SOX5: variants seen among roughly 807,000 people sequenced by gnomAD.
SOX5 encodes the protein SRY-box transcription factor 5, also known as transcription factor SOX-5.
In SOX5, 9 loss-of-function variants were observed where a neutral mutation model predicts 92.0. The observed-to-expected ratio is 0.10, with a 90% CI of 0.06 to 0.17. SOX5 has a LOEUF of 0.17. Among genes scored for constraint, SOX5 ranks in the 10% least tolerant of loss-of-function variants. The probability of loss-of-function intolerance (pLI) is 1.00; values close to 1 mark genes in which losing one functional copy is unlikely to be tolerated. For synonymous variants in SOX5, 344 were observed against 336.3 expected (o/e 1.02, Z -0.25); for missense variants, 642 against 944.5 (o/e 0.68, Z 4.20).
chr12:24,160,674 A>T (rs1232287736), intron 4 of SOX5, among the ~76,000 whole-genome samples: 1 of 152,076 alleles, frequency 6.6e-6, no homozygotes, highest in Non-Finnish European at 1.5e-5. Flanking sequence ...TATAAGTGAC[A>T]CTTGAGTAAT....
intron 3 of SOX5, among the ~76,000 whole-genome samples, chr12:23,783,867 C>T (rs2095329154): frequency 6.6e-6 from 1 of 152,156 alleles, no homozygotes; most frequent in Non-Finnish European, 1.5e-5. Context: ...GATTCCCAGA[C>T]ATTGGACAAG....
At chr12:24,119,841 C>T (rs1406376610) in intron 4 of SOX5, among the ~76,000 whole-genome samples, 1 of 152,072 alleles carries the variant, frequency 6.6e-6, no homozygotes, top group Non-Finnish European at 1.5e-5. Context: ...TATTCCTTTC[C>T]AGGGTAACAA....
chr12:24,038,615 G>GTAAATTA, intron 4 of SOX5, among the ~76,000 whole-genome samples: 1 of 151,972 alleles, frequency 6.6e-6, no homozygotes, highest in Non-Finnish European at 1.5e-5. Context: ...GGTCCACGTA[G>GTAAATTA]AGCACAATAT....
At chr12:24,074,617 T>C (rs1390112882) in intron 4 of SOX5, among the ~76,000 whole-genome samples, 1 of 112,334 alleles carries the variant, frequency 8.9e-6, no homozygotes, top group Non-Finnish European at 1.9e-5. Context: ...TAGTGTTTAT[T>C]TCTGTAAACT....
intron 3 of SOX5, among the ~76,000 whole-genome samples, chr12:23,757,301 C>A (rs1309954124): frequency 6.6e-6 from 1 of 151,910 alleles, no homozygotes; most frequent in Non-Finnish European, 1.5e-5. Flanking sequence ...ATTTAAGGAA[C>A]TAATACCGAA....
At chr12:24,395,383 G>C (rs998298697) in intron 1 of SOX5, among the ~76,000 whole-genome samples, 2 of 152,202 alleles carry the variant, frequency 1.3e-5, no homozygotes, top group Non-Finnish European at 2.9e-5. Flanking sequence ...ATGAGAGCAT[G>C]AGTGGTGATT....
intron 1 of SOX5, among the ~76,000 whole-genome samples, chr12:23,916,051 A>T (rs1399262965): frequency 2.0e-5 from 3 of 152,192 alleles, no homozygotes; most frequent in Non-Finnish European, 4.4e-5. Context: ...AAAAAGGATG[A>T]TTTTTGACCA....
At chr12:24,138,212 C>G (rs1213621720) in intron 4 of SOX5, among the ~76,000 whole-genome samples, 1 of 152,200 alleles carries the variant, frequency 6.6e-6, no homozygotes, top group Admixed American at 6.5e-5. Context: ...GGAGGCGTAT[C>G]CACTTGATCA....
chr12:24,004,978 A>G (rs1951999660), intron 4 of SOX5, among the ~76,000 whole-genome samples: 1 of 152,172 alleles, frequency 6.6e-6, no homozygotes, highest in South Asian at 2.1e-4. Context: ...GAGTGAACTC[A>G]AAAATATTAC....
intron 4 of SOX5, among the ~76,000 whole-genome samples, chr12:24,110,030 A>G (rs1392948167): frequency 2.0e-5 from 3 of 152,238 alleles, no homozygotes; most frequent in African/African-American, 7.2e-5. Context: ...GGACACATTC[A>G]GATCATAGCA....
intron 1 of SOX5, among the ~76,000 whole-genome samples, chr12:24,559,444 A>G (rs1242636704): frequency 6.6e-6 from 1 of 152,156 alleles, no homozygotes; most frequent in African/African-American, 2.4e-5. Context: ...GGAAACATAA[A>G]TTTTGTCCTG....
chr12:24,133,770 T>G (rs1461770460), intron 4 of SOX5, among the ~76,000 whole-genome samples: 1 of 152,128 alleles, frequency 6.6e-6, no homozygotes, highest in African/African-American at 2.4e-5. Flanking sequence ...CTCGGGTAGT[T>G]CTAAAAAGAC....
At chr12:24,531,235 T>A (rs1951173332) in intron 1 of SOX5, among the ~76,000 whole-genome samples, 1 of 152,184 alleles carries the variant, frequency 6.6e-6, no homozygotes, top group African/African-American at 2.4e-5. Flanking sequence ...AAAATCTACA[T>A]TTAAGATATT....
At chr12:23,970,682 C>T (rs1948120772) in intron 4 of SOX5, among the ~76,000 whole-genome samples, 2 of 149,818 alleles carry the variant, frequency 1.3e-5, no homozygotes, top group African/African-American at 2.5e-5. Context: ...TTCATCCATT[C>T]ATGTGTTGAT....
At chr12:24,127,335 G>A (rs1949201053) in intron 4 of SOX5, among the ~76,000 whole-genome samples, 1 of 151,292 alleles carries the variant, frequency 6.6e-6, no homozygotes, top group South Asian at 2.1e-4. Flanking sequence ...GTTCAGCTGT[G>A]AGCTGAGACT....
chr12:24,121,137 C>A (rs2030130), intron 4 of SOX5, among the ~76,000 whole-genome samples: 1 of 152,150 alleles, frequency 6.6e-6, no homozygotes, highest in South Asian at 2.1e-4. Context: ...AGACATTCTA[C>A]GTTGTAACAT....
chr12:23,791,567 T>C (rs1368580207), intron 3 of SOX5, among the ~76,000 whole-genome samples: 2 of 152,198 alleles, frequency 1.3e-5, no homozygotes, highest in Non-Finnish European at 1.5e-5. Context: ...TAATGTACTA[T>C]GGAAATTTCA....
chr12:24,053,063 T>C (rs1199123515), intron 4 of SOX5, among the ~76,000 whole-genome samples: 1 of 152,228 alleles, frequency 6.6e-6, no homozygotes, highest in Non-Finnish European at 1.5e-5. Flanking sequence ...CTTTTCCACA[T>C]TATTTGCAAA....
At chr12:24,067,898 A>T (rs1261538435) in intron 4 of SOX5, among the ~76,000 whole-genome samples, 1 of 152,234 alleles carries the variant, frequency 6.6e-6, no homozygotes, top group African/African-American at 2.4e-5. Context: ...TAATCCCAGC[A>T]CTATGGGAGG....
Sources: allele counts gnomAD v4.1 joint callset (sites outside exome capture counted in the v4.1 genomes callset), GRCh38; gene constraint gnomAD v4.1.1; transcripts MANE v1.5; gene names NCBI Gene and HGNC (gene_info 2026-07-23, HGNC 2026-07-21).